The following STAT5B variants were observed in gnomAD, a reference collection of about 807,000 sequenced individuals.
The protein encoded by STAT5B is transcription factor STAT5B.
STAT5B carries 21 observed loss-of-function variants against 107.8 expected under a neutral mutation model. That is an observed-to-expected ratio of 0.19 (90% CI 0.14 to 0.28). STAT5B has a LOEUF of 0.28. Among genes scored for constraint, STAT5B ranks in the 10% least tolerant of loss-of-function variants. The pLI, the probability that STAT5B is intolerant of heterozygous loss-of-function variation, is 1.00. For synonymous variants in STAT5B, 325 were observed against 401.7 expected (o/e 0.81, Z 2.28); for missense variants, 565 against 1,008.2 (o/e 0.56, Z 5.95).
Position 42,262,942 on chromosome 17 carries a change from A to ATG in STAT5B, c.-11+13304_-11+13305dup, listed in dbSNP as rs755220447. The stretch of plus-strand genomic sequence containing the variant: ...TGTGTGTATATATATATGTATATAT[A>ATG]TGTGTGTGTGTGTGTGTGTGTGTGT... On this transcript the variant is annotated intron_variant, in intron 1 of 18. Coordinates refer to ENST00000293328, the MANE Select transcript of STAT5B (RefSeq NM_012448.4). 8.6e-3 allele frequency among the ~76,000 whole-genome samples: 388 copies of ATG among 45,260 alleles called. 9 individuals are homozygous for ATG. Among genetic ancestry groups the ATG allele is most frequent in the East Asian group, 0.02 (31 of 1,568 alleles). The allele number at this position is 45,260 out of a possible 152,430, so 29.7% of individuals were successfully genotyped here.
At chr17:42,247,138 C>T (rs1369413953) in intron 1 of STAT5B, among the ~76,000 whole-genome samples, 2 of 152,160 alleles carry the variant, frequency 1.3e-5, no homozygotes, top group African/African-American at 4.8e-5. Flanking sequence ...GGCAATCTTG[C>T]TAAGGGGGCC....
At chr17:42,259,580 A>G (rs1050207659) in intron 1 of STAT5B, among the ~76,000 whole-genome samples, 10 of 152,086 alleles carry the variant, frequency 6.6e-5, no homozygotes, top group African/African-American at 2.4e-4. Flanking sequence ...TGAGGTCAGG[A>G]GTTTGAGACC....
At chr17:42,281,091 G>A (rs938310171), upstream of STAT5B, among the ~76,000 whole-genome samples, 5 of 150,690 alleles carry the variant, frequency 3.3e-5, no homozygotes, top group African/African-American at 4.9e-5. Flanking sequence ...CAGAGATCGC[G>A]CCACTGCACT....
intron 4 of STAT5B, 103 bp downstream of exon 4, chr17:42,224,676 C>T: frequency 3.5e-6 from 4 of 1,127,960 alleles, no homozygotes; most frequent in Non-Finnish European, 2.6e-6. Context: ...TTTAAAGAGA[C>T]ACCAATAGTG....
At chr17:42,264,605 C>T (rs1250872972) in intron 1 of STAT5B, among the ~76,000 whole-genome samples, 3 of 152,018 alleles carry the variant, frequency 2.0e-5, no homozygotes, top group African/African-American at 4.8e-5. Context: ...TCCAGTCTAT[C>T]GTTGTTGGAC....
At chr17:42,244,566 G>A (rs2080435028) in intron 1 of STAT5B, among the ~76,000 whole-genome samples, 1 of 152,018 alleles carries the variant, frequency 6.6e-6, no homozygotes, top group Admixed American at 6.6e-5. Context: ...CCTCTTGTTT[G>A]AAAGTTAAAA....
intron 16 of STAT5B, among the ~76,000 whole-genome samples, chr17:42,204,026 G>A (rs1189123143): frequency 6.6e-6 from 1 of 152,130 alleles, no homozygotes; most frequent in African/African-American, 2.4e-5. Flanking sequence ...TGATGTCTGA[G>A]GTTCCTCTAA....
intron 1 of STAT5B, among the ~76,000 whole-genome samples, chr17:42,249,098 A>C (rs751371836): frequency 3.3e-5 from 5 of 152,222 alleles, no homozygotes; most frequent in African/African-American, 7.2e-5. Flanking sequence ...TCCATCTAAA[A>C]ATAAGATGGT....
intron 17 of STAT5B, 149 bp from the exon 18 acceptor site, chr17:42,202,596 G>T: frequency 7.0e-7 from 1 of 1,438,650 alleles, no homozygotes; most frequent in Non-Finnish European, 9.8e-7. Flanking sequence ...CAGGAGTGGG[G>T]CCTCAGGTAC....
At chr17:42,259,647 C>T (rs897747293) in intron 1 of STAT5B, among the ~76,000 whole-genome samples, 5 of 151,872 alleles carry the variant, frequency 3.3e-5, no homozygotes, top group Non-Finnish European at 5.9e-5. Context: ...ATTAGCCGGG[C>T]GTGGTGGCAG....
chr17:42,287,330 AC>A, the STAT5B span, among the ~76,000 whole-genome samples: 80 of 144,526 alleles, frequency 5.5e-4, no homozygotes, highest in Admixed American at 1.8e-3. Context: ...ATGAGAATGC[AC>A]CCCCCCCAAC....
intron 1 of STAT5B, among the ~76,000 whole-genome samples, chr17:42,253,140 T>TTTCTTTCTTTCTTTC (rs550252928): frequency 1.4e-4 from 21 of 148,668 alleles, no homozygotes; most frequent in African/African-American, 5.4e-4. Context: ...TTCTTTCTTT[T>TTTCTTTCTTTCTTTC]TTTCATCTCT....
chr17:42,211,917 G>A (rs2080132741), intron 13 of STAT5B, 67 bp downstream of exon 13: 1 of 1,555,530 alleles, frequency 6.4e-7, no homozygotes, highest in South Asian at 1.2e-5. Flanking sequence ...CCCAGGGCAG[G>A]GAGACTCCTG....
At chr17:42,202,128 G>A (rs1407503475) in intron 18 of STAT5B, 12 of 657,082 alleles carry the variant, frequency 1.8e-5, no homozygotes, top group Admixed American at 2.8e-5. Flanking sequence ...TATTGAGAGA[G>A]GGGAACAGAT....
chr17:42,287,031 C>T, the STAT5B span, among the ~76,000 whole-genome samples: 1 of 152,134 alleles, frequency 6.6e-6, no homozygotes, highest in Non-Finnish European at 1.5e-5. Flanking sequence ...TTCCTCCTCC[C>T]TGGGGCCCCC....
At chr17:42,277,758 CTTT>C (rs796461733), upstream of STAT5B, among the ~76,000 whole-genome samples, 5 of 139,850 alleles carry the variant, frequency 3.6e-5, no homozygotes, top group Admixed American at 1.4e-4. Flanking sequence ...TTTTTCTTTT[CTTT>C]TTTTTTTTTT....
chr17:42,241,570 G>A (rs536765343), intron 1 of STAT5B, among the ~76,000 whole-genome samples: 1 of 151,758 alleles, frequency 6.6e-6, no homozygotes, highest in South Asian at 2.1e-4. Flanking sequence ...AGCCTCCTGA[G>A]TAGCTGGAAT....
chr17:42,227,733 C>T, intron 2 of STAT5B, 48 bp from the exon 3 acceptor site: 1 of 1,591,294 alleles, frequency 6.3e-7, no homozygotes, highest in Non-Finnish European at 8.6e-7. Flanking sequence ...GCACGTGAGC[C>T]TGTATAAATA....
intron 1 of STAT5B, among the ~76,000 whole-genome samples, chr17:42,246,173 G>A (rs1397799621): frequency 6.6e-6 from 1 of 152,026 alleles, no homozygotes; most frequent in Non-Finnish European, 1.5e-5. Context: ...AATCAATGGG[G>A]AATTGGTACT....
Sources: allele counts gnomAD v4.1 joint callset (sites outside exome capture counted in the v4.1 genomes callset), GRCh38; gene constraint gnomAD v4.1.1; transcripts MANE v1.5; gene names NCBI Gene and HGNC (gene_info 2026-07-23, HGNC 2026-07-21).